Variants in TOP2B observed in about 807,000 individuals in gnomAD.
TOP2B encodes the protein DNA topoisomerase II beta, also known as DNA topoisomerase 2-beta.
TOP2B carries 51 observed loss-of-function variants against 193.5 expected under a neutral mutation model. The ratio of observed to expected loss-of-function variants is 0.26; its 90% CI spans 0.21 to 0.33. The LOEUF (loss-of-function observed/expected upper bound fraction) is 0.33, where lower values mean the gene tolerates loss of function less well. Among genes scored for constraint, TOP2B ranks in the 10% least tolerant of loss-of-function variants. The probability of loss-of-function intolerance (pLI) is 1.00; values close to 1 mark genes in which losing one functional copy is unlikely to be tolerated. For synonymous variants in TOP2B, 634 were observed against 635.7 expected, an observed-to-expected ratio of 1.00 and a Z score of 0.04; for missense variants, 1,378 against 1,909.3, an observed-to-expected ratio of 0.72 and a Z score of 5.19.
intron 28 of TOP2B, among the ~76,000 whole-genome samples, chr3:25,612,306 T>G (rs979847494): frequency 2.0e-5 from 3 of 152,198 alleles, no homozygotes; most frequent in Non-Finnish European, 4.4e-5. Context: ...TTTTAAAAGC[T>G]GAATTAAGTA....
At chr3:25,600,795 T>C (rs1198191001) in intron 34 of TOP2B, among the ~76,000 whole-genome samples, 1 of 152,198 alleles carries the variant, frequency 6.6e-6, no homozygotes, top group African/African-American at 2.4e-5. Flanking sequence ...GGAGTACTGA[T>C]CTGACTTTTT....
chr3:25,664,864 C>A lies in TOP2B; in HGVS notation c.-567G>T. 1 of 991,704 alleles carries A rather than the reference C, an allele frequency of 1.0e-6. No individual in the cohort carries two copies. Among genetic ancestry groups the A allele is most frequent in the South Asian group, 4.5e-5 (1 of 22,134 alleles). 61.4% of individuals were successfully genotyped at this position (991,704 alleles called of 1,614,324 possible). A position where few individuals can be genotyped will look rare whatever the true frequency, so the allele number is the denominator to read the frequency against. On this transcript the variant is annotated 5_prime_UTR_variant, in exon 1 of 36. Transcript: ENST00000264331. The stretch of plus-strand genomic sequence containing the variant: ...CAATAAACAGAGCCGCCGCCGCCGC[C>A]GCCACGGTCACCTCCCTCTTGTCCG...
rs1173166728 is a variant in TOP2B, at chr3:25,627,237, G to A, written c.1966C>T (p.Arg656Cys). 3.0e-5 allele frequency: 48 copies of A among 1,610,090 alleles called. No individual in the cohort carries two copies. Among genetic ancestry groups the A allele is most frequent in the Non-Finnish European group, 4.0e-5 (47 of 1,178,558 alleles). Reference protein sequence around the residue: ...KEYFADMERHRILFRYAGPED... With the variant: ...KEYFADMERHCILFRYAGPED... The stretch of plus-strand genomic sequence containing the variant: ...GGACCAGCATATCTAAACAAGATGC[G>A]ATGCCTTTCCATATCAGCAAAATAT... The change falls in exon 16 of 36, where the codon CGC (arginine) becomes TGC (cysteine). Residue 656 changes from arginine to cysteine, a missense_variant. Arg to Cys is a radical substitution (Grantham distance 180, BLOSUM62 -3). Coordinates refer to ENST00000264331, the MANE Select transcript of TOP2B (RefSeq NM_001330700.2).
At chr3:25,633,797 A>T in intron 8 of TOP2B, 44 bp downstream of exon 8, 1 of 1,477,226 alleles carries the variant, frequency 6.8e-7, no homozygotes, top group Non-Finnish European at 9.1e-7. Context: ...TTATTGAAGT[A>T]CTGTTCTACC....
intron 18 of TOP2B, chr3:25,625,098 C>A: frequency 4.9e-6 from 1 of 202,814 alleles, no homozygotes; most frequent in Non-Finnish European, 9.9e-6. Flanking sequence ...TGGTACCAAA[C>A]TCCTTTAACA....
At chr3:25,608,083 A>G (rs952963478) in intron 30 of TOP2B, among the ~76,000 whole-genome samples, 1 of 152,148 alleles carries the variant, frequency 6.6e-6, no homozygotes, top group Non-Finnish European at 1.5e-5. Context: ...CTGTACCGAC[A>G]CCTAAACTTT....
At chr3:25,637,041 A>T (rs1478759948) in intron 6 of TOP2B, among the ~76,000 whole-genome samples, 174 bp downstream of exon 6, 3 of 151,972 alleles carry the variant, frequency 2.0e-5, no homozygotes, top group Non-Finnish European at 2.9e-5. Context: ...GGCTTATATT[A>T]AATCTCCCAG....
chr3:25,631,879 C>T (rs184728095), intron 10 of TOP2B, among the ~76,000 whole-genome samples: 25 of 152,060 alleles, frequency 1.6e-4, no homozygotes, highest in Admixed American at 1.0e-3. Flanking sequence ...TTGAGAAATA[C>T]ATTAGTTCTA....
At chr3:25,603,144 C>T (rs979151164) in intron 33 of TOP2B, among the ~76,000 whole-genome samples, 2 of 152,062 alleles carry the variant, frequency 1.3e-5, no homozygotes, top group African/African-American at 2.4e-5. Context: ...ATGAAGGAAA[C>T]GGGGTATGTT....
At position 25,629,110 on chromosome 3, in the gene TOP2B, A is replaced by G. The variant is rs1471245483; in HGVS notation, c.1725T>C (p.Ile575=). ...ATGGCCAATTGTGATGGATGAAATT[A>G]ATAAGCAGGCCTTTTATGTGAGAAC... ...QDGSHIKGLL[I]NFIHHNWPSL... is the part of the protein sequence containing the mutation. The change falls in exon 14 of 36, where the codon ATT becomes ATC. Residue 575 remains isoleucine (I), a synonymous_variant. Transcript: ENST00000264331. 8 of 1,603,782 alleles carry G rather than the reference A, an allele frequency of 5.0e-6. No homozygotes were observed. The highest frequency in any genetic ancestry group is 2.7e-5 in the African/African-American group (2 of 74,614).
intron 21 of TOP2B, 106 bp downstream of exon 21, chr3:25,623,409 C>G: frequency 9.6e-7 from 1 of 1,043,266 alleles, no homozygotes; most frequent in South Asian, 1.5e-5. Flanking sequence ...TTACGGTCTA[C>G]AATATGTTCT....
At chr3:25,638,443 T>C (rs960384351) in intron 4 of TOP2B, 133 bp from the exon 5 acceptor site, 2 of 1,117,936 alleles carry the variant, frequency 1.8e-6, no homozygotes, top group African/African-American at 3.3e-5. Context: ...TACTAGTCAT[T>C]ATCAATTGGA....
intron 1 of TOP2B, among the ~76,000 whole-genome samples, chr3:25,650,847 A>G (rs935013664): frequency 2.6e-5 from 4 of 152,248 alleles, no homozygotes; most frequent in Non-Finnish European, 5.9e-5. Context: ...CCCTGTAAAC[A>G]TATTGTAAAT....
At chr3:25,643,812 T>C in intron 2 of TOP2B, 28 bp from the exon 3 acceptor site, 1 of 1,554,532 alleles carries the variant, frequency 6.4e-7, no homozygotes, top group South Asian at 1.1e-5. Context: ...AAAAAAATTT[T>C]ACTCAATAAA....
intron 25 of TOP2B, among the ~76,000 whole-genome samples, chr3:25,617,710 T>C (rs1702541989): frequency 1.3e-5 from 2 of 152,204 alleles, no homozygotes; most frequent in Admixed American, 1.3e-4. Flanking sequence ...GTAATAAATT[T>C]CTGTTCTCAA....
chr3:25,664,091 G>T, intron 1 of TOP2B, 138 bp downstream of exon 1: 1 of 1,271,694 alleles, frequency 7.9e-7, no homozygotes, highest in Non-Finnish European at 1.1e-6. Context: ...GGAGGATTCT[G>T]CAAGCACAGG....
Position 25,609,489 on chromosome 3 carries a change from C to A in TOP2B, c.3931+79G>T, listed in dbSNP as rs896253198. 2.0e-6 allele frequency: 3 copies of A among 1,509,036 alleles called. No individual in the cohort carries two copies. In the East Asian group the frequency reaches 7.2e-5, roughly 36 times the overall value. 93.5% of individuals were successfully genotyped at this position (1,509,036 alleles called of 1,614,324 possible). ...ATTATTTCAACTACCAGAAAAAGAG[C>A]ACAATCAAAAGAATCTAGTAATACT... On this transcript the variant is annotated intron_variant, in intron 29 of 35. Transcript: ENST00000264331.
chr3:25,622,358 A>G (rs1702681189), intron 21 of TOP2B, among the ~76,000 whole-genome samples: 1 of 152,212 alleles, frequency 6.6e-6, no homozygotes, highest in African/African-American at 2.4e-5. Flanking sequence ...AGCAGAATAT[A>G]TGTCTTATTG....
intron 35 of TOP2B, 49 bp downstream of exon 35, chr3:25,599,386 T>C: frequency 6.4e-7 from 1 of 1,566,282 alleles, no homozygotes; most frequent in Non-Finnish European, 8.7e-7. Flanking sequence ...CACTTACAGA[T>C]CTTTTTTTAA....
Sources: gnomAD v4.1 joint callset for allele counts (sites outside exome capture counted in the v4.1 genomes callset) on GRCh38, gnomAD v4.1.1 for gene constraint, MANE v1.5 for transcripts, NCBI Gene and HGNC (gene_info 2026-07-23, HGNC 2026-07-21) for gene names.